Variants in MYO3B observed in about 807,000 individuals in gnomAD.
The protein encoded by MYO3B is myosin-IIIb.
MYO3B carries 156 observed loss-of-function variants against 174.6 expected under a neutral mutation model. That is an observed-to-expected ratio of 0.89 (90% CI 0.78 to 1.02). The LOEUF (loss-of-function observed/expected upper bound fraction) is 1.02, where lower values mean the gene tolerates loss of function less well. Among genes scored for constraint, MYO3B ranks in the 50% least tolerant of loss-of-function variants. MYO3B has a pLI of 0.00. For missense variants in MYO3B, 1,632 were observed against 1,639.4 expected (o/e 1.00, Z 0.08); for synonymous variants, 563 against 569.1 (o/e 0.99, Z 0.15).
rs375711506 is a variant in MYO3B at position 170,352,750 on chromosome 2, G to T, written c.816-16472G>T. 6.9e-4 allele frequency among the ~76,000 whole-genome samples: 105 copies of T among 152,278 alleles called. 2 individuals carry two copies. In the South Asian group the frequency reaches 0.02, roughly 29 times the overall value. ...AATGTCTAGTAAGCTTATGCATGCT[G>T]GTTCTAGGATACTATTGTTTACTCG... On this transcript the variant is annotated intron_variant, in intron 8 of 34. Coordinates refer to ENST00000408978, the MANE Select transcript of MYO3B (RefSeq NM_138995.5).
intron 25 of MYO3B, among the ~76,000 whole-genome samples, chr2:170,483,963 G>A (rs980112775): frequency 3.3e-5 from 5 of 152,190 alleles, no homozygotes; most frequent in East Asian, 3.9e-4. Context: ...CCTCTTAGCC[G>A]TGACTGGTAC....
At position 170,335,413 on chromosome 2, in the gene MYO3B, G is replaced by A. The variant is rs953120639; in HGVS notation, c.778G>A (p.Glu260Lys). Residue 260 changes from glutamate (E) to lysine (K), a missense_variant, in exon 8 of 35, where the codon GAA becomes AAA. Coordinates refer to ENST00000408978, the MANE Select transcript of MYO3B (RefSeq NM_138995.5). The stretch of plus-strand genomic sequence containing the variant: ...TCCTCCACCTACTTTACTTCATCCA[G>A]AAAAATGGTGTGAAGAATTCAACCA... ...RNPPPTLLHP[E>K]KWCEEFNHFI... The A allele has an allele frequency of 6.2e-6, 10 of 1,611,522 alleles. No individual in the cohort carries two copies. The East Asian group carries it at 6.7e-5, about 11-fold the overall frequency.
At chr2:170,501,332 T>C (rs1687256966) in intron 27 of MYO3B, among the ~76,000 whole-genome samples, 1 of 152,198 alleles carries the variant, frequency 6.6e-6, no homozygotes, top group African/African-American at 2.4e-5. Context: ...GCTCTTTCTC[T>C]TCTTCAACTT....
chr2:170,642,171 GA>G (rs1320115393), intron 32 of MYO3B, among the ~76,000 whole-genome samples: 1 of 151,100 alleles, frequency 6.6e-6, no homozygotes, highest in Non-Finnish European at 1.5e-5. Flanking sequence ...TAAGAATGGT[GA>G]ATAGTCAGTA....
chr2:170,405,830 C>T (rs1352403945), intron 21 of MYO3B, among the ~76,000 whole-genome samples, 197 bp downstream of exon 21: 16 of 152,226 alleles, frequency 1.1e-4, no homozygotes, highest in African/African-American at 2.4e-5. Flanking sequence ...AGCAATTTCT[C>T]ACTGGGGTGG....
intron 32 of MYO3B, among the ~76,000 whole-genome samples, chr2:170,592,231 C>T (rs1332569652): frequency 6.6e-5 from 10 of 152,038 alleles, no homozygotes; most frequent in South Asian, 2.1e-4. Context: ...ATGTTTCAGG[C>T]GTGGCAGGGT....
chr2:170,323,147 A>G (rs1279512723), intron 7 of MYO3B, among the ~76,000 whole-genome samples: 2 of 152,236 alleles, frequency 1.3e-5, no homozygotes, highest in Non-Finnish European at 2.9e-5. Context: ...CTTAGAGGAC[A>G]AATGGTGCTT....
intron 1 of MYO3B, among the ~76,000 whole-genome samples, chr2:170,183,382 T>C (rs1009484429): frequency 3.9e-5 from 6 of 152,228 alleles, no homozygotes; most frequent in African/African-American, 1.2e-4. Flanking sequence ...ATTTAATCCA[T>C]TGATTTTAAG....
intron 3 of MYO3B, among the ~76,000 whole-genome samples, chr2:170,213,726 G>A (rs966628200): frequency 6.6e-6 from 1 of 152,180 alleles, no homozygotes. Flanking sequence ...TAAAATTAGT[G>A]TTTTTAATTA....
chr2:170,593,082 G>C (rs1693920981), intron 32 of MYO3B, among the ~76,000 whole-genome samples: 1 of 152,074 alleles, frequency 6.6e-6, no homozygotes, highest in African/African-American at 2.4e-5. Context: ...TATAGCGAGA[G>C]GAGGAGATAG....
rs973185754 is a variant in MYO3B, at chr2:170,654,119, C to T, written c.*998C>T. On this transcript the variant is annotated 3_prime_UTR_variant, in exon 35 of 35. Transcript: ENST00000408978. ...TACATATGATTAGTCACTTTTCATA[C>T]ACTATAACCTCTGATTTTTCACTCA... 1.3e-5 allele frequency: 2 copies of T among 152,194 alleles called. No homozygotes were observed. Among genetic ancestry groups the T allele is most frequent in the African/African-American group, 2.4e-5 (1 of 41,454 alleles). The allele number at this position is 152,194 out of a possible 1,614,324, so 9.4% of individuals were successfully genotyped here. A position where few individuals can be genotyped will look rare whatever the true frequency, so the allele number is the denominator to read the frequency against.
chr2:170,531,733 A>G (rs1689362943), intron 30 of MYO3B, among the ~76,000 whole-genome samples: 1 of 152,210 alleles, frequency 6.6e-6, no homozygotes, highest in African/African-American at 2.4e-5. Flanking sequence ...AATGATGACA[A>G]AAGAGTATAA....
intron 25 of MYO3B, among the ~76,000 whole-genome samples, chr2:170,497,440 C>T (rs1006770759): frequency 1.3e-3 from 117 of 91,518 alleles, no homozygotes; most frequent in Non-Finnish European, 2.8e-3. Flanking sequence ...CATGGTGAAA[C>T]TCTGTCTGTA....
chr2:170,616,913 C>T (rs558627758), intron 32 of MYO3B, among the ~76,000 whole-genome samples: 2 of 152,330 alleles, frequency 1.3e-5, no homozygotes, highest in African/African-American at 4.8e-5. Flanking sequence ...TGTGAACAGA[C>T]TCATTATATT....
At chr2:170,362,069 G>T (rs2094165643) in intron 8 of MYO3B, among the ~76,000 whole-genome samples, 1 of 152,094 alleles carries the variant, frequency 6.6e-6, no homozygotes, top group African/African-American at 2.4e-5. Flanking sequence ...CCTTACTGGG[G>T]GTCTCTGATC....
chr2:170,576,712 A>G (rs1222467418), intron 32 of MYO3B, among the ~76,000 whole-genome samples: 2 of 152,236 alleles, frequency 1.3e-5, no homozygotes, highest in Admixed American at 1.3e-4. Flanking sequence ...CCTTGTTACT[A>G]TAAGTGAAAT....
At chr2:170,587,265 G>A (rs577416991) in intron 32 of MYO3B, among the ~76,000 whole-genome samples, 1 of 152,312 alleles carries the variant, frequency 6.6e-6, no homozygotes, top group East Asian at 1.9e-4. Context: ...AGTATGCCAT[G>A]TTATGCCAGC....
chr2:170,626,741 T>C (rs1004531826), intron 32 of MYO3B, among the ~76,000 whole-genome samples: 2 of 152,216 alleles, frequency 1.3e-5, no homozygotes, highest in Non-Finnish European at 2.9e-5. Flanking sequence ...AGGGCAGGCC[T>C]GGTGGTGACA....
At chr2:170,334,737 T>C (rs1334047757) in intron 7 of MYO3B, 1 of 152,094 alleles carries the variant, frequency 6.6e-6, no homozygotes, top group African/African-American at 2.4e-5. Flanking sequence ...CAAGAGGTTG[T>C]CTGCTTACCT....
Sources: gnomAD v4.1 joint callset for allele counts (sites outside exome capture counted in the v4.1 genomes callset) on GRCh38, gnomAD v4.1.1 for gene constraint, MANE v1.5 for transcripts, NCBI Gene and HGNC (gene_info 2026-07-23, HGNC 2026-07-21) for gene names.